The following IL12RB2 variants were observed in gnomAD, a reference collection of about 807,000 sequenced individuals.
IL12RB2 encodes interleukin-12 receptor subunit beta-2.
A neutral mutation model predicts 89.4 loss-of-function variants in IL12RB2; 82 were observed. The observed-to-expected ratio is 0.92, with a 90% CI of 0.77 to 1.10. IL12RB2 has a LOEUF of 1.10. Ranked by LOEUF, IL12RB2 falls within the 50% of genes least tolerant of loss-of-function variation. The probability of loss-of-function intolerance (pLI) is 0.00; values close to 1 mark genes in which losing one functional copy is unlikely to be tolerated. For missense variants in IL12RB2, 963 were observed against 1,031.9 expected (o/e 0.93, Z 0.92); for synonymous variants, 368 against 370.1 (o/e 0.99, Z 0.07).
rs184089579 is a variant in IL12RB2, at chr1:67,325,699, C to A, written c.365-1036C>A. ...ACAGTGGGCATTCCTGTGCCTATGT[C>A]TATGGTGGATGCTAAGGACAAAAAA... is the stretch of plus-strand genomic sequence containing the variant. On this transcript the variant is annotated intron_variant, in intron 4 of 16. Transcript: ENST00000674203. Among the ~76,000 whole-genome samples the A allele has an allele frequency of 2.0e-5, 3 of 152,338 alleles. No homozygotes were observed. In the East Asian group the frequency reaches 5.8e-4, roughly 29 times the overall value.
intron 10 of IL12RB2, among the ~76,000 whole-genome samples, chr1:67,353,055 T>A (rs868819720): frequency 2.0e-5 from 3 of 152,226 alleles, no homozygotes; most frequent in Admixed American, 2.0e-4. Context: ...AGTACGAAGA[T>A]GTTTGTTGAA....
At chr1:67,379,926 A>T in intron 13 of IL12RB2, 60 bp from the exon 14 acceptor site, 1 of 1,219,866 alleles carries the variant, frequency 8.2e-7, no homozygotes. Flanking sequence ...AATGAGTAGA[A>T]GCCTACATTA....
chr1:67,344,462 T>A (rs1349697677), intron 9 of IL12RB2, among the ~76,000 whole-genome samples: 1 of 151,980 alleles, frequency 6.6e-6, no homozygotes, highest in Non-Finnish European at 1.5e-5. Context: ...CTGGCTAATT[T>A]TTGTATTTTT....
chr1:67,348,486 C>T (rs962763998), intron 9 of IL12RB2, among the ~76,000 whole-genome samples: 4 of 152,142 alleles, frequency 2.6e-5, no homozygotes, highest in East Asian at 1.9e-4. Flanking sequence ...AAGCAAGTCA[C>T]GTCATGTCCC....
At chr1:67,338,498 G>A (rs1430932341) in intron 8 of IL12RB2, 126 bp from the exon 9 acceptor site, 1 of 669,396 alleles carries the variant, frequency 1.5e-6, no homozygotes, top group East Asian at 2.7e-5. Flanking sequence ...AAAAAATACT[G>A]GGACACACAC....
chr1:67,388,937 C>T (rs1450359852), intron 15 of IL12RB2, among the ~76,000 whole-genome samples: 1 of 152,042 alleles, frequency 6.6e-6, no homozygotes, highest in African/African-American at 2.4e-5. Context: ...ACGTGAAGCT[C>T]TCTTTGGGTA....
intron 14 of IL12RB2, among the ~76,000 whole-genome samples, chr1:67,384,076 T>C (rs1180238505): frequency 6.6e-6 from 1 of 152,230 alleles, no homozygotes; most frequent in Non-Finnish European, 1.5e-5. Context: ...CTTTTCACAG[T>C]TCCACTAGGC....
upstream of IL12RB2, chr1:67,307,428 G>A (rs150293983): frequency 2.6e-4 from 39 of 152,456 alleles, 1 homozygote; most frequent in African/African-American, 9.1e-4. Context: ...AAAGTGCCAC[G>A]TCTCTATGGC....
chr1:67,309,963 T>C (rs1240005743), intron 1 of IL12RB2, among the ~76,000 whole-genome samples: 1 of 150,832 alleles, frequency 6.6e-6, no homozygotes, highest in Non-Finnish European at 1.5e-5. Context: ...TCACCTGAGG[T>C]CAGGAGTTTG....
chr1:67,341,421 G>GGGAA (rs377180799), intron 9 of IL12RB2, among the ~76,000 whole-genome samples: 24 of 147,988 alleles, frequency 1.6e-4, no homozygotes, highest in East Asian at 1.4e-3. Flanking sequence ...AAAGAAGGAA[G>GGGAA]GGAAGGAAGG....
intron 9 of IL12RB2, among the ~76,000 whole-genome samples, chr1:67,340,175 G>A (rs1659364979): frequency 6.6e-6 from 1 of 152,046 alleles, no homozygotes; most frequent in Admixed American, 6.6e-5. Flanking sequence ...TAAAACGTCT[G>A]GTATAAGAAG....
Position 67,395,924 on chromosome 1 carries a change from C to T in IL12RB2, c.2424C>T (p.Leu808=). The T allele has an allele frequency of 6.2e-7, 1 of 1,611,912 alleles. No homozygotes were observed. The highest frequency in any genetic ancestry group is 1.1e-5 in the South Asian group (1 of 91,048). The change falls in exon 17 of 17, where the codon CTC becomes CTT. Residue 808 remains leucine (L), a synonymous_variant. Transcript: ENST00000674203. ...DGYLPSNIDD[L]PSHEAPLADS... ...ACTTACCCTCCAACATAGATGACCT[C>T]CCCTCACATGAGGCACCTCTCGCTG...
chr1:67,365,395 G>C (rs1354467743), intron 10 of IL12RB2, among the ~76,000 whole-genome samples: 3 of 151,786 alleles, frequency 2.0e-5, no homozygotes, highest in Non-Finnish European at 2.9e-5. Context: ...TTTCTAGCCA[G>C]GTTAACTAAA....
At chr1:67,353,070 T>G (rs1255250441) in intron 10 of IL12RB2, among the ~76,000 whole-genome samples, 1 of 152,228 alleles carries the variant, frequency 6.6e-6, no homozygotes, top group Non-Finnish European at 1.5e-5. Context: ...GTTGAAAAAT[T>G]GTTTGAAACA....
intron 10 of IL12RB2, among the ~76,000 whole-genome samples, chr1:67,363,953 T>C (rs1027347745): frequency 1.3e-5 from 2 of 152,136 alleles, no homozygotes; most frequent in Non-Finnish European, 2.9e-5. Context: ...TAGAAAATAG[T>C]AACACATGTA....
intron 2 of IL12RB2, among the ~76,000 whole-genome samples, chr1:67,316,513 C>T (rs1334024143): frequency 6.6e-6 from 1 of 151,542 alleles, no homozygotes; most frequent in East Asian, 1.9e-4. Flanking sequence ...AAGTAAAATT[C>T]CTAATTAAAC....
intron 16 of IL12RB2, among the ~76,000 whole-genome samples, chr1:67,394,728 A>G (rs1666184156): frequency 6.6e-6 from 1 of 152,166 alleles, no homozygotes; most frequent in Admixed American, 6.5e-5. Context: ...GCCTCGGGTT[A>G]CCAGTCATAA....
intron 6 of IL12RB2, 48 bp from the exon 7 acceptor site, chr1:67,329,539 C>T (rs1433470910): frequency 8.4e-7 from 1 of 1,189,550 alleles, no homozygotes; most frequent in South Asian, 1.2e-5. Flanking sequence ...AAGACAATTG[C>T]TGATCACAGA....
intron 2 of IL12RB2, among the ~76,000 whole-genome samples, chr1:67,319,040 T>A (rs557306108): frequency 6.6e-6 from 1 of 152,350 alleles, no homozygotes; most frequent in East Asian, 1.9e-4. Flanking sequence ...AAAGGGCGCT[T>A]TCCTAGAACC....
Sources: allele counts gnomAD v4.1 joint callset (sites outside exome capture counted in the v4.1 genomes callset), GRCh38; gene constraint gnomAD v4.1.1; transcripts MANE v1.5; gene names NCBI Gene and HGNC (gene_info 2026-07-23, HGNC 2026-07-21).